VWCE: variants seen among roughly 807,000 people sequenced by gnomAD.
VWCE encodes the protein von Willebrand factor C and EGF domains.
In VWCE, 68 loss-of-function variants were observed where a neutral mutation model predicts 102.9. The observed-to-expected ratio is 0.66, with a 90% CI of 0.54 to 0.81. The LOEUF (loss-of-function observed/expected upper bound fraction) is 0.81. Among genes scored for constraint, VWCE ranks in the 30% least tolerant of loss-of-function variants. The pLI, the probability that VWCE is intolerant of heterozygous loss-of-function variation, is 0.00. For synonymous variants in VWCE, 497 were observed against 515.4 expected, an observed-to-expected ratio of 0.96 and a Z score of 0.48; for missense variants, 1,137 against 1,263.6, an observed-to-expected ratio of 0.90 and a Z score of 1.52.
At chr11:61,279,208 G>A (rs1452538032) in intron 9 of VWCE, among the ~76,000 whole-genome samples, 1 of 152,176 alleles carries the variant, frequency 6.6e-6, no homozygotes, top group East Asian at 1.9e-4. Flanking sequence ...CAAAACCTGG[G>A]CAATAAAGTA....
intron 14 of VWCE, among the ~76,000 whole-genome samples, chr11:61,270,825 C>CT (rs1243630767): frequency 0.058 from 7,810 of 134,198 alleles, 691 homozygotes; most frequent in African/African-American, 0.19. Flanking sequence ...GTTACACACA[C>CT]TTTTTTTTTT....
intron 11 of VWCE, 88 bp downstream of exon 11, chr11:61,276,505 G>C: frequency 9.7e-7 from 1 of 1,029,630 alleles, no homozygotes; most frequent in Non-Finnish European, 1.3e-6. Flanking sequence ...ACCACCTGAG[G>C]CTCAACACCA....
At chr11:61,268,713 C>T (rs899164870) in intron 15 of VWCE, among the ~76,000 whole-genome samples, 4 of 152,200 alleles carry the variant, frequency 2.6e-5, no homozygotes, top group African/African-American at 7.2e-5. Flanking sequence ...CCACCTGCAC[C>T]GTAAGCCCTG....
chr11:61,282,758 T>G, intron 6 of VWCE, 31 bp downstream of exon 6: 1 of 1,574,668 alleles, frequency 6.4e-7, no homozygotes, highest in Non-Finnish European at 8.7e-7. Flanking sequence ...GCAGCCTAAG[T>G]GTGCAGACCA....
Position 61,280,607 on chromosome 11 carries a change from C to T in VWCE, c.1324+17G>A. On this transcript the variant is annotated intron_variant, in intron 9 of 19. Transcript: ENST00000335613. ...GGAAGAGGCAGGACTATGTCCTTCC[C>T]TGGCACCAGCTCTCACCTGTGCACG... is the stretch of plus-strand genomic sequence containing the variant. The T allele has an allele frequency of 6.2e-7, 1 of 1,613,476 alleles. No homozygotes were observed. The highest frequency in any genetic ancestry group is 8.5e-7 in the Non-Finnish European group (1 of 1,179,674).
intron 16 of VWCE, among the ~76,000 whole-genome samples, chr11:61,265,723 C>T (rs1282726730): frequency 2.0e-5 from 3 of 152,234 alleles, no homozygotes; most frequent in Non-Finnish European, 2.9e-5. Flanking sequence ...AGCGTCATCC[C>T]GCATTCAGGG....
At chr11:61,264,638 G>A (rs1854457369) in intron 18 of VWCE, 61 bp from the exon 19 acceptor site, 4 of 1,491,412 alleles carry the variant, frequency 2.7e-6, no homozygotes, top group Non-Finnish European at 2.8e-6. Flanking sequence ...CCTGGGCAGT[G>A]CCCTCAAGGG....
chr11:61,282,143 A>G (rs1054827575), intron 6 of VWCE, among the ~76,000 whole-genome samples: 13 of 152,214 alleles, frequency 8.5e-5, no homozygotes, highest in Admixed American at 8.5e-4. Context: ...TGCGAGTATC[A>G]GAGACTCAGC....
chr11:61,281,783 C>G lies in VWCE; in HGVS notation c.787+3G>C, dbSNP rs1855146348. On this transcript the variant is annotated splice_donor_region_variant and intron_variant, in intron 7 of 19. Transcript: ENST00000335613. ...CGCCGGGATGGAGGGGCCTGGCGCTCACCTTCACAGGACACGCGGTCAGCT... is the reference window on the plus strand; with the variant it reads ...CGCCGGGATGGAGGGGCCTGGCGCTGACCTTCACAGGACACGCGGTCAGCT... The G allele has an allele frequency of 6.2e-7, 1 of 1,609,262 alleles. No homozygotes were observed.
chr11:61,275,386 C>G (rs144194637), intron 11 of VWCE, among the ~76,000 whole-genome samples: 1 of 152,128 alleles, frequency 6.6e-6, no homozygotes, highest in Non-Finnish European at 1.5e-5. Context: ...TTGGGCAACA[C>G]ACTTAAAGCT....
At position 61,288,109 on chromosome 11, in the gene VWCE, A is replaced by G. The variant is rs559048337; in HGVS notation, c.425-1679T>C. ...AAGTCAGAGGTTGCAGTGAGCCGAGATCGCACCACTGCACTCCAGCCTAGC... is the reference window on the plus strand; with the variant it reads ...AAGTCAGAGGTTGCAGTGAGCCGAGGTCGCACCACTGCACTCCAGCCTAGC... On this transcript the variant is annotated intron_variant, in intron 4 of 19. Transcript: ENST00000335613. Among the ~76,000 whole-genome samples the G allele has an allele frequency of 2.7e-5, 4 of 145,534 alleles. No homozygotes were observed. The South Asian group carries it at 8.8e-4, about 32-fold the overall frequency.
intron 16 of VWCE, among the ~76,000 whole-genome samples, chr11:61,266,890 C>A (rs942289624): frequency 6.6e-6 from 1 of 152,218 alleles, no homozygotes; most frequent in African/African-American, 2.4e-5. Context: ...TTCACCTCCA[C>A]CCTCATCAAG....
chr11:61,271,713 A>G lies in VWCE; in HGVS notation c.1747T>C (p.Trp583Arg). The change falls in exon 14 of 20, where the codon TGG (tryptophan) becomes CGG (arginine). Residue 583 changes from tryptophan (W) to arginine (R), a missense_variant. Physicochemically the swap from Trp to Arg is moderately radical, Grantham distance 101. Coordinates refer to ENST00000335613, the MANE Select transcript of VWCE (RefSeq NM_152718.2). ...NGVEFPIGQI[W>R]SPGDPCELCI... ...AACTCACAGGGGTCACCAGGCGACCAGATCTGTCCAATCGGAAACTCAACC... is the reference window on the plus strand; with the variant it reads ...AACTCACAGGGGTCACCAGGCGACCGGATCTGTCCAATCGGAAACTCAACC... The G allele has an allele frequency of 6.2e-7, 1 of 1,613,748 alleles. No homozygotes were observed. Among genetic ancestry groups the G allele is most frequent in the Non-Finnish European group, 8.5e-7 (1 of 1,179,836 alleles).
At chr11:61,268,087 A>T (rs1408246547) in intron 15 of VWCE, among the ~76,000 whole-genome samples, 3 of 150,860 alleles carry the variant, frequency 2.0e-5, no homozygotes, top group Admixed American at 6.6e-5. Flanking sequence ...AAAATAAAAT[A>T]AAATAAATAA....
chr11:61,289,668 G>A (rs1855437184), intron 4 of VWCE, among the ~76,000 whole-genome samples: 1 of 152,066 alleles, frequency 6.6e-6, no homozygotes. Flanking sequence ...ATACATATAT[G>A]CTGCATGCTT....
At chr11:61,284,851 G>A (rs955333759) in intron 5 of VWCE, among the ~76,000 whole-genome samples, 4 of 152,046 alleles carry the variant, frequency 2.6e-5, no homozygotes, top group African/African-American at 9.7e-5. Flanking sequence ...GGGAGGGTTG[G>A]AGGATCGCTT....
chr11:61,292,079 T>C (rs1308117240), intron 1 of VWCE, among the ~76,000 whole-genome samples: 1 of 152,058 alleles, frequency 6.6e-6, no homozygotes, highest in Non-Finnish European at 1.5e-5. Context: ...AAAAACTAGC[T>C]GGGCATGGTG....
intron 10 of VWCE, among the ~76,000 whole-genome samples, chr11:61,277,845 CT>C (rs1005880597): frequency 2.4e-4 from 35 of 146,764 alleles, no homozygotes; most frequent in Admixed American, 3.4e-4. Flanking sequence ...TCAGCATTTT[CT>C]TTTTTTTTTT....
intron 4 of VWCE, 40 bp from the exon 5 acceptor site, chr11:61,286,470 G>C (rs764232816): frequency 6.4e-7 from 1 of 1,560,974 alleles, no homozygotes; most frequent in South Asian, 1.1e-5. Context: ...AGTGGTCCTC[G>C]CAAGAGGAAC....
Sources: allele counts gnomAD v4.1 joint callset (sites outside exome capture counted in the v4.1 genomes callset), GRCh38; gene constraint gnomAD v4.1.1; transcripts MANE v1.5; gene names NCBI Gene and HGNC (gene_info 2026-07-23, HGNC 2026-07-21).